The following GRIP1 variants were observed in gnomAD, a reference collection of about 807,000 sequenced individuals.
The protein encoded by GRIP1 is glutamate receptor-interacting protein 1.
In GRIP1, 45 loss-of-function variants were observed where a neutral mutation model predicts 129.9. That is an observed-to-expected ratio of 0.35 (90% confidence interval 0.27 to 0.44). The LOEUF (loss-of-function observed/expected upper bound fraction) is 0.44. Ranked by LOEUF, GRIP1 falls within the 20% of genes least tolerant of loss-of-function variation. The probability of loss-of-function intolerance (pLI) is 1.00; values close to 1 mark genes in which losing one functional copy is unlikely to be tolerated. For synonymous variants in GRIP1, 530 were observed against 520.8 expected, an observed-to-expected ratio of 1.02 and a Z score of -0.24; for missense variants, 1,196 against 1,396.8, an observed-to-expected ratio of 0.86 and a Z score of 2.29.
chr12:66,547,799 G>A (rs1215874868), intron 2 of GRIP1, among the ~76,000 whole-genome samples: 1 of 152,152 alleles, frequency 6.6e-6, no homozygotes, highest in Non-Finnish European at 1.5e-5. Flanking sequence ...GTATAAAAGA[G>A]TAAAGGATTG....
At chr12:66,754,389 C>A (rs921995432) in intron 1 of GRIP1, among the ~76,000 whole-genome samples, 2 of 152,198 alleles carry the variant, frequency 1.3e-5, no homozygotes, top group African/African-American at 4.8e-5. Context: ...AAAGCTGCAA[C>A]ACACACCGCA....
At chr12:66,495,691 C>T (rs2060219898) in intron 7 of GRIP1, among the ~76,000 whole-genome samples, 1 of 152,138 alleles carries the variant, frequency 6.6e-6, no homozygotes, top group African/African-American at 2.4e-5. Context: ...GCGGGAAAGG[C>T]TGCCAAGCTC....
At chr12:66,821,313 C>T (rs1232642405) in intron 1 of GRIP1, among the ~76,000 whole-genome samples, 5 of 152,070 alleles carry the variant, frequency 3.3e-5, no homozygotes, top group African/African-American at 1.2e-4. Flanking sequence ...TTAATGAGTG[C>T]TATGAAAATG....
At chr12:66,916,304 G>A (rs1011479564) in intron 1 of GRIP1, among the ~76,000 whole-genome samples, 4 of 152,220 alleles carry the variant, frequency 2.6e-5, no homozygotes, top group African/African-American at 4.8e-5. Flanking sequence ...AGTACAGCAG[G>A]AAAGCCAAGC....
At chr12:66,589,194 T>TCTCTCTCTCTC (rs2063757008) in intron 2 of GRIP1, among the ~76,000 whole-genome samples, 9 of 95,606 alleles carry the variant, frequency 9.4e-5, no homozygotes, top group Non-Finnish European at 9.7e-5. Context: ...CTCCCCCACC[T>TCTCTCTCTCTC]TCTCTCTCTC....
chr12:66,741,464 G>A (rs1003802254), intron 1 of GRIP1, among the ~76,000 whole-genome samples: 6 of 152,148 alleles, frequency 3.9e-5, no homozygotes, highest in Admixed American at 1.3e-4. Flanking sequence ...TTAACTTGTC[G>A]CAGAGATAAA....
At chr12:66,814,994 G>C (rs12314839) in intron 1 of GRIP1, among the ~76,000 whole-genome samples, 76,587 of 151,842 alleles carry the variant, frequency 0.5, 19,368 homozygotes, top group Middle Eastern at 0.52. Flanking sequence ...CTGGTCCTGC[G>C]GTTGACAAAT....
At chr12:66,692,266 T>C (rs993897397) in intron 1 of GRIP1, among the ~76,000 whole-genome samples, 11 of 152,238 alleles carry the variant, frequency 7.2e-5, no homozygotes, top group Non-Finnish European at 1.2e-4. Context: ...AAATTACAAC[T>C]GTAATTTCTC....
chr12:66,556,292 G>GA lies in GRIP1; in HGVS notation c.137-14343dup, dbSNP rs991437314. Among the ~76,000 whole-genome samples the GA allele has an allele frequency of 3.3e-5, 5 of 151,852 alleles. No individual in the cohort carries two copies. The East Asian group carries it at 5.8e-4, about 18-fold the overall frequency. Reference sequence around the variant, plus strand: ...GCATTACATATTTAAAGTACTGAAAGAAAAAAAACTTTTATCCTCGAATAG... The same window carrying GA: ...GCATTACATATTTAAAGTACTGAAAGAAAAAAAAACTTTTATCCTCGAATAG... On this transcript the variant is annotated intron_variant, in intron 2 of 24. Coordinates refer to ENST00000359742, the MANE Select transcript of GRIP1 (RefSeq NM_001366722.1).
chr12:66,636,715 C>CTG (rs113361426), intron 1 of GRIP1, among the ~76,000 whole-genome samples: 12,831 of 145,042 alleles, frequency 0.088, 606 homozygotes, highest in South Asian at 0.18. Context: ...CATTAGATCT[C>CTG]TGTGTGTGTG....
chr12:66,666,564 G>A (rs779985516), intron 1 of GRIP1, among the ~76,000 whole-genome samples: 3 of 151,380 alleles, frequency 2.0e-5, no homozygotes, highest in Non-Finnish European at 4.4e-5. Flanking sequence ...TCTTCATCAG[G>A]CCTTCTGCCT....
intron 1 of GRIP1, among the ~76,000 whole-genome samples, chr12:66,875,815 G>A (rs1201633399): frequency 6.6e-6 from 1 of 152,028 alleles, no homozygotes; most frequent in Non-Finnish European, 1.5e-5. Flanking sequence ...GCATAAAAAT[G>A]CACTTAACTC....
chr12:66,383,774 G>A (rs558376385), intron 19 of GRIP1, among the ~76,000 whole-genome samples: 2 of 152,220 alleles, frequency 1.3e-5, no homozygotes, highest in African/African-American at 2.4e-5. Flanking sequence ...CCAGTTTCGG[G>A]GTGAGCAAAT....
intron 2 of GRIP1, among the ~76,000 whole-genome samples, chr12:66,595,133 G>C (rs1355071244): frequency 6.6e-6 from 1 of 152,106 alleles, no homozygotes; most frequent in East Asian, 1.9e-4. Context: ...GAACAAAAAG[G>C]GTTCTATCAA....
At chr12:66,416,787 A>G (rs112671842) in intron 15 of GRIP1, among the ~76,000 whole-genome samples, 18 of 152,100 alleles carry the variant, frequency 1.2e-4, no homozygotes, top group African/African-American at 4.1e-4. Context: ...GTAAGGCAAA[A>G]CCTGGGACCC....
Position 66,487,580 on chromosome 12 carries a change from T to A in GRIP1, c.725-22158A>T, listed in dbSNP as rs560772768. 3.3e-5 allele frequency among the ~76,000 whole-genome samples: 5 copies of A among 152,098 alleles called. No individual in the cohort carries two copies. In the South Asian group the frequency reaches 8.3e-4, roughly 25 times the overall value. On this transcript the variant is annotated intron_variant, in intron 7 of 24. Transcript: ENST00000359742. ...ACTATGAAGCAACCACATAAACAAG[T>A]CTGCAAAATAACCAGCTAGCATCAT...
At chr12:66,626,316 G>T (rs1234401658) in intron 1 of GRIP1, among the ~76,000 whole-genome samples, 1 of 148,650 alleles carries the variant, frequency 6.7e-6, no homozygotes, top group Non-Finnish European at 1.5e-5. Context: ...CTCCAGCCTG[G>T]GAGACAGAGT....
chr12:66,542,834 G>A (rs1209952107), intron 2 of GRIP1, among the ~76,000 whole-genome samples: 1 of 152,022 alleles, frequency 6.6e-6, no homozygotes, highest in Non-Finnish European at 1.5e-5. Context: ...GTAGGGATGG[G>A]GAAATTGTCC....
intron 23 of GRIP1, among the ~76,000 whole-genome samples, chr12:66,358,290 G>T (rs1052821412): frequency 6.6e-6 from 1 of 152,112 alleles, no homozygotes. Flanking sequence ...GGACTCCTGT[G>T]TCCTTTTGAT....
Sources: allele counts gnomAD v4.1 joint callset (sites outside exome capture counted in the v4.1 genomes callset), GRCh38; gene constraint gnomAD v4.1.1; transcripts MANE v1.5; gene names NCBI Gene and HGNC (gene_info 2026-07-23, HGNC 2026-07-21).